Variants in RNF17 observed in about 807,000 individuals in gnomAD.
RNF17 encodes ring finger protein 17.
In RNF17, 31 loss-of-function variants were observed where a neutral mutation model predicts 200.5. That is an observed-to-expected ratio of 0.15 (90% confidence interval 0.12 to 0.21). RNF17 has a LOEUF of 0.21. Among genes scored for constraint, RNF17 ranks in the 10% least tolerant of loss-of-function variants. RNF17 has a pLI of 1.00. For missense variants in RNF17, 1,628 were observed against 1,905.1 expected, an observed-to-expected ratio of 0.85 and a Z score of 2.71; for synonymous variants, 606 against 637.8, an observed-to-expected ratio of 0.95 and a Z score of 0.75.
intron 6 of RNF17, among the ~76,000 whole-genome samples, chr13:24,784,303 T>C (rs1002751063): frequency 2.6e-5 from 4 of 152,246 alleles, no homozygotes; most frequent in African/African-American, 9.6e-5. Flanking sequence ...TCAATAGTTA[T>C]AAATGATACT....
At chr13:24,750,702 GT>G in the RNF17 span, 2 of 152,080 alleles carry the variant, frequency 1.3e-5, no homozygotes, top group Non-Finnish European at 2.9e-5. Context: ...TCTGATTTCT[GT>G]TTTTTATACT....
chr13:24,776,614 GGA>G (rs1032321162), intron 3 of RNF17, among the ~76,000 whole-genome samples: 1 of 152,262 alleles, frequency 6.6e-6, no homozygotes, highest in African/African-American at 2.4e-5. Flanking sequence ...GAGTCCCCAT[GGA>G]GTAGCCATTT....
intron 15 of RNF17, among the ~76,000 whole-genome samples, chr13:24,821,649 T>C (rs1042113880): frequency 6.6e-6 from 1 of 152,194 alleles, no homozygotes; most frequent in African/African-American, 2.4e-5. Flanking sequence ...GAATTTTTTC[T>C]CCTTAGTTAT....
intron 15 of RNF17, among the ~76,000 whole-genome samples, chr13:24,813,847 A>T (rs1361483029): frequency 2.2e-5 from 2 of 91,492 alleles, no homozygotes; most frequent in South Asian, 4.2e-4. Context: ...TTTTTTTTAG[A>T]GACAGGTTCT....
At chr13:24,880,190 A>G (rs2138507065), downstream of RNF17, among the ~76,000 whole-genome samples, 1 of 152,252 alleles carries the variant, frequency 6.6e-6, no homozygotes, top group Admixed American at 6.5e-5. Flanking sequence ...GAAACCTACA[A>G]ACATGGGGGA....
intron 22 of RNF17, among the ~76,000 whole-genome samples, chr13:24,848,068 T>C (rs1891448404): frequency 6.6e-6 from 1 of 152,192 alleles, no homozygotes; most frequent in Non-Finnish European, 1.5e-5. Context: ...CCTGCATTAA[T>C]TGTCTTAAAG....
At chr13:24,885,409 G>A in the RNF17 span, 113 of 1,538,520 alleles carry the variant, frequency 7.3e-5, no homozygotes, top group Middle Eastern at 5.0e-4. Flanking sequence ...CACATTTCAA[G>A]CAGCTAAAAC....
chr13:24,865,070 C>A, intron 29 of RNF17, 72 bp downstream of exon 29: 1 of 1,122,726 alleles, frequency 8.9e-7, no homozygotes, highest in Non-Finnish European at 1.3e-6. Context: ...TTTTGTCTTA[C>A]ACTGTGTCTT....
At chr13:24,773,668 C>T (rs1881123687) in intron 2 of RNF17, among the ~76,000 whole-genome samples, 1 of 152,178 alleles carries the variant, frequency 6.6e-6, no homozygotes, top group Non-Finnish European at 1.5e-5. Flanking sequence ...TTGCCACAAA[C>T]CTGTACACGT....
the RNF17 span, among the ~76,000 whole-genome samples, chr13:24,758,805 G>A: frequency 6.6e-5 from 10 of 152,108 alleles, no homozygotes; most frequent in Non-Finnish European, 8.8e-5. Flanking sequence ...GGCTGGGCGC[G>A]GTGGCTCACG....
At chr13:24,847,946 G>C (rs1031436770) in intron 22 of RNF17, among the ~76,000 whole-genome samples, 1 of 152,154 alleles carries the variant, frequency 6.6e-6, no homozygotes. Flanking sequence ...GTACCTAACA[G>C]TACAGAGAAT....
At chr13:24,830,417 C>G in intron 16 of RNF17, 67 bp from the exon 17 acceptor site, 1 of 918,876 alleles carries the variant, frequency 1.1e-6, no homozygotes, top group South Asian at 1.5e-5. Context: ...TGGCCATAAA[C>G]CAATCTAAAT....
intron 17 of RNF17, 101 bp from the exon 18 acceptor site, chr13:24,831,757 C>A: frequency 9.7e-7 from 1 of 1,027,992 alleles, no homozygotes; most frequent in Non-Finnish European, 1.4e-6. Context: ...GTATGAAATT[C>A]AAACATAAAG....
At chr13:24,815,451 G>A (rs1233843007) in intron 15 of RNF17, among the ~76,000 whole-genome samples, 3 of 146,448 alleles carry the variant, frequency 2.0e-5, no homozygotes, top group Admixed American at 6.7e-5. Context: ...GTGTGTGTGT[G>A]TGTGTGTGTG....
At chr13:24,772,451 CTTG>C (rs141522016) in intron 2 of RNF17, among the ~76,000 whole-genome samples, 5,629 of 67,358 alleles carry the variant, frequency 0.084, 208 homozygotes, top group African/African-American at 0.24. Flanking sequence ...TTTTTTTGTT[CTTG>C]TTTTATGACC....
intron 15 of RNF17, among the ~76,000 whole-genome samples, chr13:24,808,537 A>G (rs1203694983): frequency 2.6e-5 from 3 of 113,556 alleles, no homozygotes; most frequent in Admixed American, 9.8e-5. Context: ...GCTTAAGGAG[A>G]TTTTGGGCTG....
chr13:24,830,954 T>C (rs182575645), intron 17 of RNF17, among the ~76,000 whole-genome samples: 2 of 152,320 alleles, frequency 1.3e-5, no homozygotes, highest in African/African-American at 4.8e-5. Flanking sequence ...TAAGTATATA[T>C]GTGTGTACAA....
At chr13:24,881,852 CTATATAGATATATAGA>C (rs200133382), downstream of RNF17, among the ~76,000 whole-genome samples, 1 of 118,350 alleles carries the variant, frequency 8.4e-6, no homozygotes, top group South Asian at 2.4e-4. Flanking sequence ...ATAGATACAT[CTATATAGATATATAGA>C]TACATCTATA....
chr13:24,785,053 A>G (rs1882922953), intron 6 of RNF17, among the ~76,000 whole-genome samples: 2 of 152,088 alleles, frequency 1.3e-5, no homozygotes, highest in South Asian at 4.2e-4. Context: ...CTAATCTTGA[A>G]GTCAAACTTT....
Sources: allele counts gnomAD v4.1 joint callset (sites outside exome capture counted in the v4.1 genomes callset), GRCh38; gene constraint gnomAD v4.1.1; transcripts MANE v1.5; gene names NCBI Gene and HGNC (gene_info 2026-07-23, HGNC 2026-07-21).